OAS2: variants seen among roughly 807,000 people sequenced by gnomAD.
OAS2 encodes the protein 2'-5'-oligoadenylate synthase 2.
In OAS2, 67 loss-of-function variants were observed where a neutral mutation model predicts 71.3. That is an observed-to-expected ratio of 0.94 (90% confidence interval 0.77 to 1.15). The LOEUF is 1.15. OAS2 is among the 50% of genes most tolerant of loss of function. The pLI, the probability that OAS2 is intolerant of heterozygous loss-of-function variation, is 0.00. For synonymous variants in OAS2, 327 were observed against 321.8 expected (o/e 1.02, Z -0.17); for missense variants, 789 against 822.5 (o/e 0.96, Z 0.50).
Position 113,007,870 on chromosome 12 carries a change from T to G in OAS2, c.1822T>G (p.Phe608Val). 1.2e-6 allele frequency: 2 copies of G among 1,614,174 alleles called. No individual in the cohort carries two copies. Among genetic ancestry groups the G allele is most frequent in the Non-Finnish European group, 1.7e-6 (2 of 1,180,012 alleles). The stretch of plus-strand genomic sequence containing the variant: ...CACACAATATCAGCAGCTCTGCATC[T>G]TCTGGAAGGTCAATTACAACTTTGA... Reference protein sequence around the residue: ...LVTQYQQLCIFWKVNYNFEDE... With the variant: ...LVTQYQQLCIVWKVNYNFEDE... The change falls in exon 9 of 10, where the codon TTC becomes GTC. Residue 608 changes from phenylalanine (F) to valine (V), a missense_variant. Phe to Val is a conservative substitution (Grantham distance 50). Transcript: ENST00000392583.
intron 2 of OAS2, among the ~76,000 whole-genome samples, chr12:112,991,505 G>A (rs1330890480): frequency 6.7e-6 from 1 of 149,832 alleles, no homozygotes. Context: ...CATATGTAAG[G>A]TGAACAATGG....
chr12:113,001,982 C>A lies in OAS2; in HGVS notation c.1009-950C>A, dbSNP rs377215073. The stretch of plus-strand genomic sequence containing the variant: ...CCCAGGAATTGGAGACTGCAGTGAG[C>A]TATAATGGCACCACTGCCCCCCAGC... On this transcript the variant is annotated intron_variant, in intron 5 of 9. Transcript: ENST00000392583. 1.8e-4 allele frequency among the ~76,000 whole-genome samples: 27 copies of A among 151,876 alleles called. 2 individuals carry two copies. Among genetic ancestry groups the A allele is most frequent in the South Asian group, 6.2e-4 (3 of 4,810 alleles).
chr12:112,998,250 C>T lies in OAS2; in HGVS notation c.864-16C>T. The T allele has an allele frequency of 6.2e-7, 1 of 1,605,806 alleles. No homozygotes were observed. Among genetic ancestry groups the T allele is most frequent in the Middle Eastern group, 1.7e-4 (1 of 6,040 alleles). ...AGCAGCTCAACTGACTTTTTTTAAT[C>T]TAATGGAATACACAGGCCAGTAATC... On this transcript the variant is annotated splice_polypyrimidine_tract_variant and intron_variant, in intron 4 of 9. Transcript: ENST00000392583.
chr12:113,005,924 A>AG (rs1565997522), intron 7 of OAS2, among the ~76,000 whole-genome samples: 3 of 34,158 alleles, frequency 8.8e-5, no homozygotes, highest in African/African-American at 3.0e-4. Context: ...ACAACAAAAA[A>AG]AAAAAAAAAA....
intron 5 of OAS2, among the ~76,000 whole-genome samples, 188 bp from the exon 6 acceptor site, chr12:113,002,744 C>T (rs1355160680): frequency 6.6e-6 from 1 of 152,130 alleles, no homozygotes; most frequent in African/African-American, 2.4e-5. Flanking sequence ...GTCTTGTGTG[C>T]CACTCCAAAC....
rs1400419106 is a variant in OAS2 at position 112,997,756 on chromosome 12, G to A, written c.863+1G>A. On this transcript the variant is annotated splice_donor_variant, in intron 4 of 9. Coordinates refer to ENST00000392583, the MANE Select transcript of OAS2 (RefSeq NM_002535.3). LOFTEE classifies it high-confidence loss of function. ...TGCTGCACCAGCTCCAATCAGCGAG[G>A]TGCCAAGCTTCTCACACCCTATCCC... 2.5e-6 allele frequency: 4 copies of A among 1,572,720 alleles called. No individual in the cohort carries two copies. The African/African-American group carries it at 4.0e-5, about 16-fold the overall frequency.
rs1396773757 is a variant in OAS2 at position 113,010,670 on chromosome 12, C to T, written c.*1415C>T. ...AACTCCCTCTCTGCAGGCAGCCTGC[C>T]TTTAAAAATAGTTGCTGTCATCCAC... is the stretch of plus-strand genomic sequence containing the variant. On this transcript the variant is annotated 3_prime_UTR_variant, in exon 10 of 10. Coordinates refer to ENST00000392583, the MANE Select transcript of OAS2 (RefSeq NM_002535.3). 1 of 753,140 alleles carries T rather than the reference C, an allele frequency of 1.3e-6. No homozygotes were observed. Among genetic ancestry groups the T allele is most frequent in the South Asian group, 3.5e-5 (1 of 28,570 alleles). The allele number at this position is 753,140 out of a possible 1,614,324, so 46.7% of individuals were successfully genotyped here. A position where few individuals can be genotyped will look rare whatever the true frequency, so the allele number is the denominator to read the frequency against.
chr12:112,998,385 T>A lies in OAS2; in HGVS notation c.983T>A (p.Leu328Ter). 1 of 1,611,508 alleles carries A rather than the reference T, an allele frequency of 6.2e-7. No individual in the cohort carries two copies. The highest frequency in any genetic ancestry group is 8.5e-7 in the Non-Finnish European group (1 of 1,179,414). ...ACTTCTCCCAACCTGGATAATGAGTTACCTGCACCATCTTGGAATGTTCTG... is the reference window on the plus strand; with the variant it reads ...ACTTCTCCCAACCTGGATAATGAGTAACCTGCACCATCTTGGAATGTTCTG... ...WLTSPNLDNE[L>*]PAPSWNVLPA... The change falls in exon 5 of 10, where the codon TTA becomes TAA. Residue 328 changes from leucine (L) to a stop codon, truncating the protein, a stop_gained. Coordinates refer to ENST00000392583, the MANE Select transcript of OAS2 (RefSeq NM_002535.3). LOFTEE classifies it high-confidence loss of function.
Position 113,007,700 on chromosome 12 carries a change from C to T in OAS2, c.1657-5C>T. 1 of 1,611,166 alleles carries T rather than the reference C, an allele frequency of 6.2e-7. No individual in the cohort carries two copies. Among genetic ancestry groups the T allele is most frequent in the Non-Finnish European group, 8.5e-7 (1 of 1,177,508 alleles). ...AGTTCGTCTGATGTTCCCACTCTTA[C>T]CTAGTGTGAAAGGAAACTGAAGCCA... is the stretch of plus-strand genomic sequence containing the variant. On this transcript the variant is annotated splice_polypyrimidine_tract_variant and splice_region_variant and intron_variant, in intron 8 of 9. Transcript: ENST00000392583.
In OAS2 at chr12:113,011,278, C is replaced by T. The variant is rs189056751; in HGVS notation, c.*2023C>T. 2 of 152,310 alleles carry T rather than the reference C, an allele frequency of 1.3e-5. No individual in the cohort carries two copies. Among genetic ancestry groups the T allele is most frequent in the Admixed American group, 6.5e-5 (1 of 15,306 alleles). The allele number at this position is 152,310 out of a possible 1,614,324, so 9.4% of individuals were successfully genotyped here. On this transcript the variant is annotated 3_prime_UTR_variant, in exon 10 of 10. Coordinates refer to ENST00000392583, the MANE Select transcript of OAS2 (RefSeq NM_002535.3). ...TTCTAGAGTTTCCTGATAGGAGTGT[C>T]TTTTGTATTCATAACAAGCCCTTTT...
rs555303217 is a variant in OAS2 at position 113,005,057 on chromosome 12, A to T, written c.1303A>T (p.Ile435Phe). ...KNERHKIVKE[I>F]HEQLKAFWRE... Reference sequence around the variant, plus strand: ...CGAGCGGCACAAAATCGTCAAGGAAATCCATGAACAGCTGAAAGCCTTTTG... The same window carrying T: ...CGAGCGGCACAAAATCGTCAAGGAATTCCATGAACAGCTGAAAGCCTTTTG... Residue 435 changes from isoleucine to phenylalanine, a missense_variant, in exon 7 of 10, where the codon ATC becomes TTC. By Grantham distance (21) the Ile-to-Phe change is conservative. Coordinates refer to ENST00000392583, the MANE Select transcript of OAS2 (RefSeq NM_002535.3). 1 of 1,614,204 alleles carries T rather than the reference A, an allele frequency of 6.2e-7. No homozygotes were observed. Among genetic ancestry groups the T allele is most frequent in the African/African-American group, 1.3e-5 (1 of 75,068 alleles).
intron 5 of OAS2, 105 bp downstream of exon 5, chr12:112,998,515 G>T: frequency 7.7e-7 from 1 of 1,293,470 alleles, no homozygotes; most frequent in South Asian, 1.3e-5. Context: ...TTCCTGTATT[G>T]CTGTTACAAA....
At chr12:113,005,258 T>C in intron 7 of OAS2, 36 bp downstream of exon 7, 1 of 1,588,982 alleles carries the variant, frequency 6.3e-7, no homozygotes, top group Non-Finnish European at 8.6e-7. Flanking sequence ...GAAGTGATGG[T>C]GGACAGAAGG....
At chr12:113,002,815 C>A in intron 5 of OAS2, 117 bp from the exon 6 acceptor site, 1 of 825,842 alleles carries the variant, frequency 1.2e-6, no homozygotes, top group South Asian at 1.6e-5. Flanking sequence ...GATGCCAGCC[C>A]ACGAGCAGGA....
intron 2 of OAS2, chr12:112,988,454 C>T (rs533492881): frequency 3.0e-5 from 11 of 369,228 alleles, no homozygotes; most frequent in East Asian, 3.3e-4. Context: ...CTTATTTGAA[C>T]GAGATTTGAA....
rs2044053856 is a variant in OAS2 at position 112,978,911 on chromosome 12, G to A, written c.177+126G>A. On this transcript the variant is annotated intron_variant, in intron 1 of 9. Transcript: ENST00000392583. The surrounding 1 kb of genome is among the most constrained non-coding windows in gnomAD (Gnocchi z 4.2). ...CACACTTGGGTGGGATGTGGTGTAGGAGTCTCAGGCTCTGGAGCAGGCGCT... is the reference window on the plus strand; with the variant it reads ...CACACTTGGGTGGGATGTGGTGTAGAAGTCTCAGGCTCTGGAGCAGGCGCT... The A allele has an allele frequency of 1.1e-6, 1 of 894,918 alleles. No homozygotes were observed. Among genetic ancestry groups the A allele is most frequent in the East Asian group, 2.7e-5 (1 of 36,588 alleles). The allele number at this position is 894,918 out of a possible 1,614,324, so 55.4% of individuals were successfully genotyped here. A position where few individuals can be genotyped will look rare whatever the true frequency, so the allele number is the denominator to read the frequency against.
chr12:113,000,668 ACATGCACACATGCACT>A (rs981255814), intron 5 of OAS2, among the ~76,000 whole-genome samples: 6 of 151,018 alleles, frequency 4.0e-5, no homozygotes, highest in African/African-American at 9.7e-5. Flanking sequence ...GCACTCACAC[ACATGCACACATGCACT>A]CATGCACACA....
intron 1 of OAS2, among the ~76,000 whole-genome samples, chr12:112,983,062 C>A (rs186257182): frequency 2.0e-3 from 308 of 152,104 alleles, no homozygotes; most frequent in South Asian, 5.6e-3. Flanking sequence ...TGGGTCTTCT[C>A]TTTTTTTAGT....
intron 1 of OAS2, 132 bp from the exon 2 acceptor site, chr12:112,986,906 C>A (rs865859238): frequency 3.3e-6 from 4 of 1,211,632 alleles, no homozygotes; most frequent in Non-Finnish European, 4.6e-6. Flanking sequence ...CTTTGTGGGG[C>A]AAATGGATGC....
Sources: gnomAD v4.1 joint callset for allele counts (sites outside exome capture counted in the v4.1 genomes callset) on GRCh38, gnomAD v4.1.1 for gene constraint, Gnocchi (gnomAD v3.1) non-coding constraint, MANE v1.5 for transcripts, NCBI Gene and HGNC (gene_info 2026-07-23, HGNC 2026-07-21) for gene names.